Variants in SCP2 observed in about 807,000 individuals in gnomAD.
SCP2 encodes the protein sterol carrier protein 2.
SCP2 carries 48 observed loss-of-function variants against 71.4 expected under a neutral mutation model. The observed-to-expected ratio is 0.67, with a 90% confidence interval of 0.53 to 0.86. The LOEUF (loss-of-function observed/expected upper bound fraction) is 0.86. Ranked by LOEUF, SCP2 falls within the 40% of genes least tolerant of loss-of-function variation. SCP2 has a pLI of 0.00. For synonymous variants in SCP2, 220 were observed against 218.1 expected (o/e 1.01, Z -0.08); for missense variants, 560 against 655.6 (o/e 0.85, Z 1.59).
chr1:53,048,595 T>G (rs1279338407), intron 15 of SCP2: 1 of 158,188 alleles, frequency 6.3e-6, no homozygotes, highest in Non-Finnish European at 1.4e-5. Flanking sequence ...TGTTAGGCTG[T>G]GAGTGTCTCA....
chr1:53,009,657 C>T (rs1438379281), intron 11 of SCP2, among the ~76,000 whole-genome samples: 1 of 152,098 alleles, frequency 6.6e-6, no homozygotes, highest in Non-Finnish European at 1.5e-5. Context: ...AATGTTAGAC[C>T]TAAAACCATA....
intron 11 of SCP2, chr1:52,993,626 G>A: frequency 1.2e-6 from 2 of 1,612,322 alleles, no homozygotes; most frequent in South Asian, 2.2e-5. Context: ...ATCTAGCCGG[G>A]CTGCTCTGTC....
rs1408671983 is a variant in SCP2 at position 52,980,378 on chromosome 1, A to G, written c.826-18A>G. ...CCCAGTTTTGGTGCCCTTTATTTATATATGGTTTTGGTTTTAGGTTGGCTT... is the reference window on the plus strand; with the variant it reads ...CCCAGTTTTGGTGCCCTTTATTTATGTATGGTTTTGGTTTTAGGTTGGCTT... On this transcript the variant is annotated intron_variant, in intron 9 of 15. Coordinates refer to ENST00000371514, the MANE Select transcript of SCP2 (RefSeq NM_002979.5). 2 of 1,612,464 alleles carry G rather than the reference A, an allele frequency of 1.2e-6. No individual in the cohort carries two copies. The highest frequency in any genetic ancestry group is 2.2e-5 in the East Asian group (1 of 44,856).
At chr1:53,034,603 G>T (rs1662790079) in intron 13 of SCP2, among the ~76,000 whole-genome samples, 2 of 150,146 alleles carry the variant, frequency 1.3e-5, no homozygotes, top group African/African-American at 5.1e-5. Context: ...AATTTTATAG[G>T]ATATAAATTA....
At position 52,978,237 on chromosome 1, in the gene SCP2, C is replaced by T; in HGVS notation, c.695C>T (p.Ala232Val). 6.2e-7 allele frequency: 1 copy of T among 1,613,762 alleles called. No homozygotes were observed. Among genetic ancestry groups the T allele is most frequent in the East Asian group, 2.2e-5 (1 of 44,884 alleles). Residue 232 changes from alanine to valine, a missense_variant, in exon 9 of 16, where the codon GCA becomes GTA. This residue lies in a region of SCP2 where 513 missense variants were observed against 573.1 expected (regional missense o/e 0.90). Transcript: ENST00000371514. Reference sequence around the variant, plus strand: ...CTTAGTCCCACTTCAGATGGTGCTGCAGCAGCAATTTTGGCCAGTGAAGCA... The same window carrying T: ...CTTAGTCCCACTTCAGATGGTGCTGTAGCAGCAATTTTGGCCAGTGAAGCA... Reference protein sequence around the residue: ...LQCCPTSDGAAAAILASEAFV... With the variant: ...LQCCPTSDGAVAAILASEAFV...
intron 5 of SCP2, among the ~76,000 whole-genome samples, chr1:52,959,877 T>G (rs1403317702): frequency 6.6e-6 from 1 of 151,770 alleles, no homozygotes; most frequent in Non-Finnish European, 1.5e-5. Flanking sequence ...CCAGCTTTTG[T>G]TTTTACTGAT....
chr1:52,999,238 G>T (rs1660148597), intron 11 of SCP2, among the ~76,000 whole-genome samples: 1 of 152,184 alleles, frequency 6.6e-6, no homozygotes, highest in African/African-American at 2.4e-5. Context: ...GCTGTAATGT[G>T]CCCCAAGACA....
rs987140155 is a variant in SCP2, at chr1:52,978,124, T to C, written c.675-93T>C. The C allele has an allele frequency of 6.2e-5, 71 of 1,143,104 alleles. No homozygotes were observed. The Admixed American group carries it at 1.2e-3, about 20-fold the overall frequency. 70.8% of individuals were successfully genotyped at this position (1,143,104 alleles called of 1,614,324 possible). ...ACAATCCACTGACCAGCAAGCATAT[T>C]TGGCCTTTCCTTTCACATAGAAGTA... On this transcript the variant is annotated intron_variant, in intron 8 of 15. Coordinates refer to ENST00000371514, the MANE Select transcript of SCP2 (RefSeq NM_002979.5).
chr1:52,936,538 A>G (rs1039864346), intron 1 of SCP2, among the ~76,000 whole-genome samples: 1 of 152,250 alleles, frequency 6.6e-6, no homozygotes, highest in African/African-American at 2.4e-5. Flanking sequence ...ATTCAACTAC[A>G]TGAGTATGCA....
At chr1:53,025,308 T>C in intron 12 of SCP2, among the ~76,000 whole-genome samples, 1 of 152,134 alleles carries the variant, frequency 6.6e-6, no homozygotes, top group East Asian at 1.9e-4. Flanking sequence ...CTAAAGGGCA[T>C]TGTGCTGGAC....
At position 52,996,009 on chromosome 1, in the gene SCP2, G is replaced by T. The variant is rs185675758; in HGVS notation, c.1081+7873G>T. ...AGAGGAGGAGGATTTTGGTGAGGAGGCTGAAGAGGAGGCCTAAGGCAGAGC... is the reference window on the plus strand; with the variant it reads ...AGAGGAGGAGGATTTTGGTGAGGAGTCTGAAGAGGAGGCCTAAGGCAGAGC... On this transcript the variant is annotated intron_variant, in intron 11 of 15. Coordinates refer to ENST00000371514, the MANE Select transcript of SCP2 (RefSeq NM_002979.5). 8.5e-6 allele frequency: 12 copies of T among 1,410,730 alleles called. No homozygotes were observed. The East Asian group carries it at 3.0e-4, about 35-fold the overall frequency. The allele number at this position is 1,410,730 out of a possible 1,614,324, so 87.4% of individuals were successfully genotyped here.
intron 10 of SCP2, among the ~76,000 whole-genome samples, chr1:52,985,580 A>G (rs1225634188): frequency 6.6e-6 from 1 of 152,170 alleles, no homozygotes; most frequent in Non-Finnish European, 1.5e-5. Flanking sequence ...TAGAATGTGC[A>G]GCAAATCAGT....
At chr1:53,037,748 A>C (rs1663062508) in intron 13 of SCP2, among the ~76,000 whole-genome samples, 1 of 152,074 alleles carries the variant, frequency 6.6e-6, no homozygotes, top group Admixed American at 6.6e-5. Flanking sequence ...AAGGAACCAA[A>C]AATATACATA....
chr1:52,969,276 C>A (rs1404376522), intron 6 of SCP2, among the ~76,000 whole-genome samples: 1 of 152,126 alleles, frequency 6.6e-6, no homozygotes, highest in Non-Finnish European at 1.5e-5. Context: ...CCTGTAATCC[C>A]AGCACTTTGG....
chr1:52,980,323 A>G, intron 9 of SCP2, 73 bp from the exon 10 acceptor site: 1 of 1,390,068 alleles, frequency 7.2e-7, no homozygotes, highest in South Asian at 1.3e-5. Flanking sequence ...TTATGCATCT[A>G]TTAATCTCTT....
intron 13 of SCP2, among the ~76,000 whole-genome samples, chr1:53,037,934 C>T (rs1572224093): frequency 1.2e-5 from 1 of 83,872 alleles, no homozygotes; most frequent in Non-Finnish European, 2.9e-5. Context: ...ACACACAGAT[C>T]CAGATCCTGT....
At chr1:53,015,804 C>T (rs1009633980) in intron 12 of SCP2, among the ~76,000 whole-genome samples, 5 of 152,054 alleles carry the variant, frequency 3.3e-5, no homozygotes, top group Non-Finnish European at 5.9e-5. Context: ...TTTTCCAAGC[C>T]GGAATACCTC....
intron 6 of SCP2, among the ~76,000 whole-genome samples, chr1:52,970,241 A>G (rs1019441053): frequency 6.6e-6 from 1 of 152,056 alleles, no homozygotes. Flanking sequence ...TCTTAGTTCT[A>G]TGGTGCCCTC....
At chr1:52,941,929 C>T in intron 2 of SCP2, 76 bp downstream of exon 2, 1 of 1,082,488 alleles carries the variant, frequency 9.2e-7, no homozygotes. Flanking sequence ...GATGGGGCAG[C>T]CTTGCAAGCA....
Sources: gnomAD v4.1 joint callset for allele counts (sites outside exome capture counted in the v4.1 genomes callset) on GRCh38, gnomAD v4.1.1 for gene constraint, gnomAD v4.1.1 regional missense constraint, MANE v1.5 for transcripts, NCBI Gene and HGNC (gene_info 2026-07-23, HGNC 2026-07-21) for gene names.